NR3C2: variants seen among roughly 807,000 people sequenced by gnomAD.
NR3C2 encodes the protein nuclear receptor subfamily 3 group C member 2.
In NR3C2, 15 loss-of-function variants were observed where a neutral mutation model predicts 86.4. That is an observed-to-expected ratio of 0.17 (90% CI 0.12 to 0.27). The LOEUF is 0.27. Among genes scored for constraint, NR3C2 ranks in the 10% least tolerant of loss-of-function variants. The pLI, the probability that NR3C2 is intolerant of heterozygous loss-of-function variation, is 1.00. For missense variants in NR3C2, 960 were observed against 1,195.6 expected, an observed-to-expected ratio of 0.80 and a Z score of 2.91; for synonymous variants, 458 against 450.5, an observed-to-expected ratio of 1.02 and a Z score of -0.21.
At chr4:148,365,628 G>A (rs74724834) in intron 2 of NR3C2, among the ~76,000 whole-genome samples, 1 of 128,238 alleles carries the variant, frequency 7.8e-6, no homozygotes, top group African/African-American at 2.8e-5. Flanking sequence ...TGGGAAATAA[G>A]AAGATCCAGC....
rs1750064550 is a variant in NR3C2, at chr4:148,436,279, A to C, written c.582T>G (p.Val194=). 1 of 1,614,200 alleles carries C rather than the reference A, an allele frequency of 6.2e-7. No individual in the cohort carries two copies. The highest frequency in any genetic ancestry group is 8.5e-7 in the Non-Finnish European group (1 of 1,180,016). The change falls in exon 2 of 9, where the codon GTT becomes GTG. Residue 194 remains valine, a synonymous_variant. Coordinates refer to ENST00000358102, the MANE Select transcript of NR3C2 (RefSeq NM_000901.5). Reference sequence around the variant, plus strand: ...AAGATGTCATGTTCAGAGGGCTGCAAACAGACGGGCTTTTCTCATGACACA... The same window carrying C: ...AAGATGTCATGTTCAGAGGGCTGCACACAGACGGGCTTTTCTCATGACACA... ...PIMCHEKSPS[V]CSPLNMTSSV... is the part of the protein sequence containing the mutation.
Position 148,218,555 on chromosome 4 carries a change from T to C in NR3C2, c.1898-23693A>G, listed in dbSNP as rs552418963. On this transcript the variant is annotated intron_variant, in intron 3 of 8. Coordinates refer to ENST00000358102, the MANE Select transcript of NR3C2 (RefSeq NM_000901.5). ...ATTTTTTTTTAAACATAGAAGTTAT[T>C]TTTCCCCATTTTAAGTGCCCAATTA... Among the ~76,000 whole-genome samples the C allele has an allele frequency of 4.6e-5, 7 of 152,260 alleles. 1 individual carries two copies. In the South Asian group the frequency reaches 1.5e-3, roughly 32 times the overall value.
intron 4 of NR3C2, among the ~76,000 whole-genome samples, chr4:148,165,394 G>A (rs1346017309): frequency 6.6e-6 from 1 of 151,804 alleles, no homozygotes; most frequent in Non-Finnish European, 1.5e-5. Context: ...AACTTTTAAT[G>A]AGGAATAAAA....
intron 2 of NR3C2, among the ~76,000 whole-genome samples, chr4:148,433,287 G>A (rs1405880526): frequency 6.6e-6 from 1 of 151,998 alleles, no homozygotes; most frequent in Non-Finnish European, 1.5e-5. Context: ...ATTACTCAAA[G>A]CAATAGTTTT....
At chr4:148,401,218 CT>C (rs1479784752) in intron 2 of NR3C2, among the ~76,000 whole-genome samples, 1 of 152,176 alleles carries the variant, frequency 6.6e-6, no homozygotes, top group East Asian at 1.9e-4. Flanking sequence ...TTCATTGCAT[CT>C]ACTATGTGGA....
chr4:148,307,568 T>G (rs1434754932), intron 2 of NR3C2, among the ~76,000 whole-genome samples: 1 of 152,196 alleles, frequency 6.6e-6, no homozygotes, highest in Non-Finnish European at 1.5e-5. Context: ...TGTGAATGCC[T>G]TTATACACAA....
chr4:148,405,439 C>A (rs1748371051), intron 2 of NR3C2, among the ~76,000 whole-genome samples: 1 of 152,158 alleles, frequency 6.6e-6, no homozygotes. Flanking sequence ...CTTGTTATAT[C>A]CACACTACAC....
At chr4:148,267,917 G>A (rs1740478725) in intron 2 of NR3C2, among the ~76,000 whole-genome samples, 1 of 150,506 alleles carries the variant, frequency 6.6e-6, no homozygotes, top group Admixed American at 6.6e-5. Context: ...TGTTTTGAAA[G>A]GCTTATATTT....
At chr4:148,249,204 T>C (rs1739455533) in intron 3 of NR3C2, among the ~76,000 whole-genome samples, 1 of 151,882 alleles carries the variant, frequency 6.6e-6, no homozygotes, top group East Asian at 1.9e-4. Context: ...GTGGTATGAA[T>C]CTCCAAACTA....
At chr4:148,352,882 G>A (rs971777980) in intron 2 of NR3C2, among the ~76,000 whole-genome samples, 6 of 152,032 alleles carry the variant, frequency 3.9e-5, no homozygotes, top group Non-Finnish European at 1.5e-5. Context: ...ATTTAAAGAT[G>A]TAAAGTAGCT....
intron 2 of NR3C2, among the ~76,000 whole-genome samples, chr4:148,335,570 C>T (rs1046063816): frequency 1.3e-5 from 2 of 151,958 alleles, no homozygotes; most frequent in Non-Finnish European, 1.5e-5. Context: ...CCAATGTGTT[C>T]GGCTAAATTG....
At chr4:148,354,267 T>C (rs1353450188) in intron 2 of NR3C2, among the ~76,000 whole-genome samples, 1 of 152,152 alleles carries the variant, frequency 6.6e-6, no homozygotes, top group African/African-American at 2.4e-5. Context: ...TCGTCTTCTC[T>C]AGCTTACCTT....
At chr4:148,369,967 T>C (rs949235868) in intron 2 of NR3C2, among the ~76,000 whole-genome samples, 1 of 152,196 alleles carries the variant, frequency 6.6e-6, no homozygotes, top group African/African-American at 2.4e-5. Context: ...TTTTTAGAAG[T>C]AGTAACTTTC....
intron 7 of NR3C2, among the ~76,000 whole-genome samples, chr4:148,119,262 G>A (rs1732403658): frequency 1.3e-5 from 2 of 152,056 alleles, no homozygotes; most frequent in Admixed American, 6.6e-5. Context: ...ACCCCTTCCC[G>A]CTAAGTGTTG....
intron 2 of NR3C2, among the ~76,000 whole-genome samples, chr4:148,392,247 A>G (rs1015614229): frequency 7.9e-5 from 12 of 152,252 alleles, no homozygotes; most frequent in African/African-American, 2.7e-4. Context: ...GAAATTCTAA[A>G]GAAACCATTT....
chr4:148,364,888 G>T (rs1746033209), intron 2 of NR3C2, among the ~76,000 whole-genome samples: 1 of 150,960 alleles, frequency 6.6e-6, no homozygotes, highest in South Asian at 2.1e-4. Context: ...GTCTAAACAT[G>T]AAATTCATTT....
chr4:148,237,403 T>A (rs1738798780), intron 3 of NR3C2, among the ~76,000 whole-genome samples: 2 of 152,120 alleles, frequency 1.3e-5, no homozygotes, highest in Admixed American at 1.3e-4. Context: ...TAAATAACAC[T>A]TCAATTTTCT....
At chr4:148,437,627 C>A (rs1750142797) in intron 1 of NR3C2, among the ~76,000 whole-genome samples, 1 of 152,286 alleles carries the variant, frequency 6.6e-6, no homozygotes, top group East Asian at 1.9e-4. Flanking sequence ...GACATGCACC[C>A]TGACCTGTGC....
chr4:148,202,911 T>C (rs943543947), intron 3 of NR3C2, among the ~76,000 whole-genome samples: 1 of 152,234 alleles, frequency 6.6e-6, no homozygotes, highest in Non-Finnish European at 1.5e-5. Flanking sequence ...AGTGAAGGCA[T>C]AGTTTAAACC....
Sources: gnomAD v4.1 joint callset for allele counts (sites outside exome capture counted in the v4.1 genomes callset) on GRCh38, gnomAD v4.1.1 for gene constraint, MANE v1.5 for transcripts, NCBI Gene and HGNC (gene_info 2026-07-23, HGNC 2026-07-21) for gene names.